Variants in CD59 observed in about 807,000 individuals in gnomAD.
The protein encoded by CD59 is CD59 molecule (CD59 blood group), also known as CD59 glycoprotein.
In CD59, 3 loss-of-function variants were observed where a neutral mutation model predicts 7.0. The ratio of observed to expected loss-of-function variants is 0.43; its 90% CI spans 0.19 to 1.10. The LOEUF (loss-of-function observed/expected upper bound fraction) is 1.10. Ranked by LOEUF, CD59 falls within the 50% of genes least tolerant of loss-of-function variation. CD59 has a pLI of 0.29. For missense variants in CD59, 143 were observed against 151.0 expected (o/e 0.95, Z 0.28); for synonymous variants, 60 against 62.0 (o/e 0.97, Z 0.15).
chr11:33,721,830 A>G (rs1854079038), intron 2 of CD59, among the ~76,000 whole-genome samples: 2 of 152,236 alleles, frequency 1.3e-5, no homozygotes, highest in Admixed American at 1.3e-4. Flanking sequence ...TGTTGCTTGT[A>G]AAACAAGGAT....
chr11:33,715,391 G>C (rs1853742364), intron 3 of CD59, among the ~76,000 whole-genome samples: 1 of 152,122 alleles, frequency 6.6e-6, no homozygotes, highest in African/African-American at 2.4e-5. Flanking sequence ...CTTGAGGCCA[G>C]GAGTTTGAGA....
chr11:33,710,109 G>A lies in CD59; in HGVS notation c.*17C>T, dbSNP rs1305491070. 6.3e-7 allele frequency: 1 copy of A among 1,588,152 alleles called. No homozygotes were observed. Among genetic ancestry groups the A allele is most frequent in the East Asian group, 2.2e-5 (1 of 44,608 alleles). ...CGCAGGAACGGGGAGTTTGGGAGAA[G>A]CTCTCCTGGTGTTGACTTAGGGATG... On this transcript the variant is annotated 3_prime_UTR_variant, in exon 4 of 4. Coordinates refer to ENST00000642928, the MANE Select transcript of CD59 (RefSeq NM_000611.6).
intron 3 of CD59, among the ~76,000 whole-genome samples, chr11:33,710,919 A>G (rs1165599913): frequency 1.3e-5 from 2 of 151,932 alleles, no homozygotes; most frequent in African/African-American, 4.8e-5. Context: ...AACCCAGTCC[A>G]TTAATTTTTA....
At position 33,709,403 on chromosome 11, in the gene CD59, C is replaced by G. The variant is rs1460122273; in HGVS notation, c.*723G>C. 1 of 155,732 alleles carries G rather than the reference C, an allele frequency of 6.4e-6. No individual in the cohort carries two copies. Among genetic ancestry groups the G allele is most frequent in the Non-Finnish European group, 1.4e-5 (1 of 70,262 alleles). 9.6% of individuals were successfully genotyped at this position (155,732 alleles called of 1,614,324 possible). ...ACTGTGTGTGGCAAAGCCAAGATATCCTACCATTCCAATAAAAAAAAGGCA... is the reference window on the plus strand; with the variant it reads ...ACTGTGTGTGGCAAAGCCAAGATATGCTACCATTCCAATAAAAAAAAGGCA... On this transcript the variant is annotated 3_prime_UTR_variant, in exon 4 of 4. Transcript: ENST00000642928.
At chr11:33,728,418 G>T (rs929039996) in intron 1 of CD59, among the ~76,000 whole-genome samples, 3 of 152,106 alleles carry the variant, frequency 2.0e-5, no homozygotes, top group Admixed American at 6.5e-5. Context: ...CAAGCTACAG[G>T]GAAAGGATTC....
intron 2 of CD59, among the ~76,000 whole-genome samples, chr11:33,722,022 A>G (rs953175070): frequency 6.6e-6 from 1 of 152,160 alleles, no homozygotes; most frequent in Non-Finnish European, 1.5e-5. Context: ...CTGAGCTCAG[A>G]TGGCTCTAAG....
rs1245453488 is a variant in CD59, at chr11:33,707,552, C to CA, written c.*2573_*2574insT. The CA allele has an allele frequency of 6.6e-5, 10 of 152,422 alleles. No individual in the cohort carries two copies. Among genetic ancestry groups the CA allele is most frequent in the Admixed American group, 4.6e-4 (7 of 15,308 alleles). 9.4% of individuals were successfully genotyped at this position (152,422 alleles called of 1,614,324 possible). Reference sequence around the variant, plus strand: ...CCAATGGGCTTATCACCACCCAATACTGAACACTATGACAGTTCCTGTAAA... The same window carrying CA: ...CCAATGGGCTTATCACCACCCAATACATGAACACTATGACAGTTCCTGTAAA... On this transcript the variant is annotated 3_prime_UTR_variant, in exon 4 of 4. Transcript: ENST00000642928.
chr11:33,735,229 A>T (rs1854530669), intron 1 of CD59, among the ~76,000 whole-genome samples: 1 of 152,220 alleles, frequency 6.6e-6, no homozygotes, highest in Non-Finnish European at 1.5e-5. Context: ...CAGGGATCGC[A>T]GGGTACCTGA....
In CD59 at chr11:33,717,537, T is replaced by C. The variant is rs78802741; in HGVS notation, c.68-66A>G. ...TGACTTGTCCCCTGGCAGCCCACCA[T>C]CTCCATTAATATGGGCCCAAAGTCA... is the stretch of plus-strand genomic sequence containing the variant. On this transcript the variant is annotated intron_variant, in intron 2 of 3. Transcript: ENST00000642928. The C allele has an allele frequency of 2.3e-3, 2,324 of 992,248 alleles. 26 individuals are homozygous for C. The African/African-American group carries it at 0.029, about 13-fold the overall frequency. The allele number at this position is 992,248 out of a possible 1,614,324, so 61.5% of individuals were successfully genotyped here.
intron 3 of CD59, among the ~76,000 whole-genome samples, chr11:33,712,769 G>A (rs535111835): frequency 2.6e-5 from 4 of 152,150 alleles, no homozygotes; most frequent in Admixed American, 6.5e-5. Context: ...AAATGTAAAC[G>A]TTCTGGTCTG....
chr11:33,722,677 C>T, intron 1 of CD59: 7 of 1,365,232 alleles, frequency 5.1e-6, no homozygotes, highest in Non-Finnish European at 5.7e-6. Flanking sequence ...GTGTGTACTA[C>T]CACACTGTGG....
In CD59 at chr11:33,705,729, C is replaced by T. The variant is rs1039255959; in HGVS notation, c.*4397G>A. 6.6e-6 allele frequency: 1 copy of T among 152,210 alleles called. No individual in the cohort carries two copies. The highest frequency in any genetic ancestry group is 1.5e-5 in the Non-Finnish European group (1 of 68,040). The allele number at this position is 152,210 out of a possible 1,614,324, so 9.4% of individuals were successfully genotyped here. On this transcript the variant is annotated 3_prime_UTR_variant, in exon 4 of 4. Transcript: ENST00000642928. ...CCTTCTAACTGTGGGAGCCAGTTCT[C>T]CCTAATAACCTCCCTTTCATATATA...
At chr11:33,715,524 C>A (rs1469374944) in intron 3 of CD59, among the ~76,000 whole-genome samples, 2 of 152,124 alleles carry the variant, frequency 1.3e-5, no homozygotes, top group African/African-American at 4.8e-5. Context: ...CACTTGAACC[C>A]TGGAGGCAGA....
intron 3 of CD59, among the ~76,000 whole-genome samples, chr11:33,715,521 A>G (rs1853749419): frequency 6.6e-6 from 1 of 152,028 alleles, no homozygotes; most frequent in South Asian, 2.1e-4. Flanking sequence ...AATCACTTGA[A>G]CCCTGGAGGC....
In CD59 at chr11:33,709,853, G is replaced by A. The variant is rs77171493; in HGVS notation, c.*273C>T. The A allele has an allele frequency of 9.5e-3, 5,290 of 558,422 alleles. 150 individuals are homozygous for A. The highest frequency in any genetic ancestry group is 0.077 in the African/African-American group (4,103 of 53,074). 34.6% of individuals were successfully genotyped at this position (558,422 alleles called of 1,614,324 possible). A position where few individuals can be genotyped will look rare whatever the true frequency, so the allele number is the denominator to read the frequency against. ...CACTCAAGCTGTCACTGCAAAGCTG[G>A]TCTTCCCAAGAGCAAAGGAGGAAGC... On this transcript the variant is annotated 3_prime_UTR_variant, in exon 4 of 4. Coordinates refer to ENST00000642928, the MANE Select transcript of CD59 (RefSeq NM_000611.6).
chr11:33,727,758 T>C (rs1854301111), intron 1 of CD59, among the ~76,000 whole-genome samples: 1 of 152,234 alleles, frequency 6.6e-6, no homozygotes, highest in South Asian at 2.1e-4. Context: ...CATGACTGTG[T>C]ATTTAGAAAA....
Position 33,709,919 on chromosome 11 carries a change from T to G in CD59, c.*207A>C. 1.6e-6 allele frequency: 1 copy of G among 628,012 alleles called. No homozygotes were observed. Among genetic ancestry groups the G allele is most frequent in the South Asian group, 1.9e-5 (1 of 52,748 alleles). 38.9% of individuals were successfully genotyped at this position (628,012 alleles called of 1,614,324 possible). ...AGTCACACCTACTTCACTCTTAGAC[T>G]TCTTCCTTCAAGTGGGGCTTCCCTG... On this transcript the variant is annotated 3_prime_UTR_variant, in exon 4 of 4. Coordinates refer to ENST00000642928, the MANE Select transcript of CD59 (RefSeq NM_000611.6).
rs1283765715 is a variant in CD59, at chr11:33,710,001, C to T, written c.*125G>A. On this transcript the variant is annotated 3_prime_UTR_variant, in exon 4 of 4. Transcript: ENST00000642928. ...GCCCCTCTATCTTAGCCAGGTTGCT[C>T]AAGCTAATTTTATTCTTTCCCAACA... is the stretch of plus-strand genomic sequence containing the variant. The T allele has an allele frequency of 2.4e-6, 2 of 827,576 alleles. No individual in the cohort carries two copies. The allele number at this position is 827,576 out of a possible 1,614,324, so 51.3% of individuals were successfully genotyped here.
intron 3 of CD59, among the ~76,000 whole-genome samples, chr11:33,711,061 G>GC (rs1564969639): frequency 6.8e-6 from 1 of 146,448 alleles, no homozygotes; most frequent in African/African-American, 2.5e-5. Context: ...GTGGGGGGGG[G>GC]GCAGAAAAAT....
Sources: gnomAD v4.1 joint callset for allele counts (sites outside exome capture counted in the v4.1 genomes callset) on GRCh38, gnomAD v4.1.1 for gene constraint, MANE v1.5 for transcripts, NCBI Gene and HGNC (gene_info 2026-07-23, HGNC 2026-07-21) for gene names.